NAV2: variants seen among roughly 807,000 people sequenced by gnomAD.
NAV2 encodes the protein neuron navigator 2.
NAV2 carries 54 observed loss-of-function variants against 223.2 expected under a neutral mutation model. The ratio of observed to expected loss-of-function variants is 0.24; its 90% CI spans 0.19 to 0.30. The LOEUF (loss-of-function observed/expected upper bound fraction) is 0.30. Ranked by LOEUF, NAV2 falls within the 10% of genes least tolerant of loss-of-function variation. The pLI is 1.00. For missense variants in NAV2, 2,806 were observed against 3,147.5 expected (o/e 0.89, Z 2.60); for synonymous variants, 1,279 against 1,239.3 (o/e 1.03, Z -0.67).
chr11:20,059,588 A>C (rs1014423367), intron 19 of NAV2, among the ~76,000 whole-genome samples: 1 of 152,170 alleles, frequency 6.6e-6, no homozygotes, highest in African/African-American at 2.4e-5. Context: ...TTAAAAAAAA[A>C]CAAACAAATG....
intron 1 of NAV2, among the ~76,000 whole-genome samples, chr11:19,540,910 AAGAAG>A (rs1354633058): frequency 6.6e-6 from 1 of 152,190 alleles, no homozygotes; most frequent in African/African-American, 2.4e-5. Flanking sequence ...AAGACAAGAA[AAGAAG>A]AGAAGGGAAA....
intron 36 of NAV2, 108 bp downstream of exon 36, chr11:20,107,890 C>G (rs2062280454): frequency 1.3e-6 from 1 of 772,302 alleles, no homozygotes. Flanking sequence ...CATGGGGTGA[C>G]AACCCCTCAC....
rs1028294440 is a variant in NAV2, at chr11:20,048,868, G to A, written c.4043G>A (p.Ser1348Asn). The A allele has an allele frequency of 2.5e-6, 4 of 1,614,134 alleles. No individual in the cohort carries two copies. Among genetic ancestry groups the A allele is most frequent in the Non-Finnish European group, 2.5e-6 (3 of 1,180,022 alleles). ...LDSPSGSGVL[S>N]SGSSSPLYSK... The stretch of plus-strand genomic sequence containing the variant: ...TCCCCGTCAGGCAGTGGCGTCCTGA[G>A]CAGTGGGAGCAGCAGTCCTCTCTAC... The change falls in exon 15 of 38, where the codon AGC becomes AAC. Residue 1348 changes from serine (S) to asparagine (N), a missense_variant. Around this residue, in one of 4 missense-constraint regions of NAV2, gnomAD observed 742 missense variants for 777.9 expected, o/e 0.95. Coordinates refer to ENST00000349880, the MANE Select transcript of NAV2 (RefSeq NM_145117.5).
chr11:19,738,991 G>A (rs952452593), intron 1 of NAV2, among the ~76,000 whole-genome samples: 1 of 151,368 alleles, frequency 6.6e-6, no homozygotes, highest in Non-Finnish European at 1.5e-5. Flanking sequence ...CACTAGCCTG[G>A]GCAACATGGT....
upstream of NAV2, among the ~76,000 whole-genome samples, chr11:19,348,889 GGATTCA>G (rs953719287): frequency 5.3e-5 from 8 of 152,178 alleles, no homozygotes; most frequent in Non-Finnish European, 5.9e-5. Context: ...GGTTTCAATT[GGATTCA>G]GAAAAGGGTA....
intron 1 of NAV2, among the ~76,000 whole-genome samples, chr11:19,704,650 A>G (rs548797981): frequency 6.6e-6 from 1 of 152,364 alleles, no homozygotes; most frequent in South Asian, 2.1e-4. Flanking sequence ...ATAACTTCAT[A>G]AATTACAGTT....
At chr11:19,614,692 C>T (rs2046742922) in intron 1 of NAV2, among the ~76,000 whole-genome samples, 1 of 152,170 alleles carries the variant, frequency 6.6e-6, no homozygotes. Flanking sequence ...GGACCCAGCT[C>T]TATGGGCCAG....
At chr11:19,798,443 C>T (rs1186065926) in intron 1 of NAV2, among the ~76,000 whole-genome samples, 3 of 152,152 alleles carry the variant, frequency 2.0e-5, no homozygotes, top group Non-Finnish European at 4.4e-5. Context: ...ATCATCACTG[C>T]CAATCTCCTC....
chr11:19,903,019 G>T (rs943215407), intron 6 of NAV2, among the ~76,000 whole-genome samples: 3 of 152,198 alleles, frequency 2.0e-5, no homozygotes, highest in African/African-American at 7.2e-5. Flanking sequence ...TCTTGTGAAT[G>T]TGCACTTGGC....
At chr11:19,769,169 A>C (rs1000066909) in intron 1 of NAV2, among the ~76,000 whole-genome samples, 1 of 152,208 alleles carries the variant, frequency 6.6e-6, no homozygotes, top group Non-Finnish European at 1.5e-5. Flanking sequence ...GGTTATCATG[A>C]GTTCTTGATG....
intron 1 of NAV2, among the ~76,000 whole-genome samples, chr11:19,731,612 C>T (rs1396878529): frequency 1.3e-5 from 2 of 152,180 alleles, no homozygotes; most frequent in Non-Finnish European, 2.9e-5. Flanking sequence ...GAGCATCTCA[C>T]TCGCACCTGT....
At chr11:19,575,815 C>T (rs987565834) in intron 1 of NAV2, among the ~76,000 whole-genome samples, 4 of 152,200 alleles carry the variant, frequency 2.6e-5, no homozygotes, top group African/African-American at 9.7e-5. Context: ...CTCATTCATT[C>T]AGCAAATGTG....
chr11:19,622,822 T>A (rs899225392), intron 1 of NAV2, among the ~76,000 whole-genome samples: 4 of 152,160 alleles, frequency 2.6e-5, no homozygotes, highest in African/African-American at 9.7e-5. Flanking sequence ...GTTAGCTGAG[T>A]ATTTTGCTCG....
intron 1 of NAV2, chr11:19,384,828 C>T (rs767045830): frequency 6.6e-6 from 1 of 152,134 alleles, no homozygotes; most frequent in Non-Finnish European, 1.5e-5. Context: ...CCTTGCTATC[C>T]CTGAGCTGGG....
intron 1 of NAV2, among the ~76,000 whole-genome samples, chr11:19,563,444 C>T (rs944432841): frequency 3.3e-5 from 5 of 152,198 alleles, no homozygotes; most frequent in African/African-American, 4.8e-5. Flanking sequence ...CCTTTATAGA[C>T]CAGAGTCGAT....
intron 11 of NAV2, among the ~76,000 whole-genome samples, chr11:19,999,645 A>G (rs1001367955): frequency 3.9e-5 from 6 of 152,184 alleles, no homozygotes; most frequent in African/African-American, 1.4e-4. Flanking sequence ...TGCTGGGATT[A>G]CAGGCGTGAG....
At chr11:19,629,265 C>A (rs1345262696) in intron 1 of NAV2, among the ~76,000 whole-genome samples, 1 of 152,088 alleles carries the variant, frequency 6.6e-6, no homozygotes, top group African/African-American at 2.4e-5. Context: ...ACCAAAATAT[C>A]ATTTTAGGCA....
chr11:19,354,202 C>G (rs1380028021), intron 1 of NAV2, among the ~76,000 whole-genome samples: 1 of 152,110 alleles, frequency 6.6e-6, no homozygotes, highest in Non-Finnish European at 1.5e-5. Flanking sequence ...AAATATAAAC[C>G]AGACATACAA....
chr11:19,382,599 G>A (rs1590089998), intron 1 of NAV2, among the ~76,000 whole-genome samples: 1 of 152,184 alleles, frequency 6.6e-6, no homozygotes, highest in South Asian at 2.1e-4. Flanking sequence ...GGAAACTGCG[G>A]CCCGAAGTCT....
Sources: gnomAD v4.1 joint callset for allele counts (sites outside exome capture counted in the v4.1 genomes callset) on GRCh38, gnomAD v4.1.1 for gene constraint, gnomAD v4.1.1 regional missense constraint, MANE v1.5 for transcripts, NCBI Gene and HGNC (gene_info 2026-07-23, HGNC 2026-07-21) for gene names.